The following SLC35F4 variants were observed in gnomAD, a reference collection of about 807,000 sequenced individuals.
SLC35F4 encodes solute carrier family 35 member F4, also known as chromosome 14 open reading frame 36.
SLC35F4 carries 24 observed loss-of-function variants against 44.2 expected under a neutral mutation model. The ratio of observed to expected loss-of-function variants is 0.54; its 90% CI spans 0.39 to 0.76. The LOEUF is 0.76. SLC35F4 is among the 30% of genes least tolerant of loss of function. The probability of loss-of-function intolerance (pLI) is 0.00; values close to 1 mark genes in which losing one functional copy is unlikely to be tolerated. For synonymous variants in SLC35F4, 238 were observed against 223.6 expected, an observed-to-expected ratio of 1.06 and a Z score of -0.57; for missense variants, 562 against 586.1, an observed-to-expected ratio of 0.96 and a Z score of 0.42.
chr14:57,594,961 C>T (rs1276370158), intron 1 of SLC35F4, among the ~76,000 whole-genome samples: 1 of 152,200 alleles, frequency 6.6e-6, no homozygotes, highest in African/African-American at 2.4e-5. Flanking sequence ...ACTTCCCACC[C>T]CTCAGCCCCA....
chr14:57,624,028 G>C (rs2760287), intron 1 of SLC35F4, among the ~76,000 whole-genome samples: 2 of 151,908 alleles, frequency 1.3e-5, no homozygotes, highest in Non-Finnish European at 2.9e-5. Context: ...TTTTTGAAAT[G>C]ATCAACAAAA....
At chr14:57,830,228 A>G (rs543164399) in intron 1 of SLC35F4, among the ~76,000 whole-genome samples, 10 of 152,268 alleles carry the variant, frequency 6.6e-5, no homozygotes, top group African/African-American at 2.4e-4. Context: ...TAACATTTCA[A>G]CTGTGTGGTT....
At chr14:57,859,217 G>C (rs1887461358) in intron 1 of SLC35F4, among the ~76,000 whole-genome samples, 1 of 152,158 alleles carries the variant, frequency 6.6e-6, no homozygotes, top group Non-Finnish European at 1.5e-5. Flanking sequence ...GATTGGCGAA[G>C]TAGATTAAAG....
chr14:57,726,352 A>C (rs1460994058), intron 1 of SLC35F4, among the ~76,000 whole-genome samples: 1 of 152,228 alleles, frequency 6.6e-6, no homozygotes, highest in Non-Finnish European at 1.5e-5. Context: ...AAGGGAATAC[A>C]GAATGGGTAG....
chr14:57,716,001 G>T (rs186469208), intron 1 of SLC35F4, among the ~76,000 whole-genome samples: 92 of 152,180 alleles, frequency 6.0e-4, no homozygotes, highest in African/African-American at 2.1e-3. Context: ...TTTAAAAGAG[G>T]AAGAGTGGTG....
intron 1 of SLC35F4, among the ~76,000 whole-genome samples, chr14:57,857,005 G>C (rs1167860751): frequency 2.6e-5 from 4 of 152,042 alleles, no homozygotes; most frequent in Admixed American, 6.5e-5. Flanking sequence ...GCCGGGCACG[G>C]TGGCTCACGC....
At chr14:57,890,120 C>T (rs959461923) in intron 1 of SLC35F4, among the ~76,000 whole-genome samples, 21 of 151,954 alleles carry the variant, frequency 1.4e-4, no homozygotes, top group African/African-American at 4.4e-4. Context: ...ATGAGATGTA[C>T]GGAGGCCTTC....
intron 4 of SLC35F4, among the ~76,000 whole-genome samples, chr14:57,572,741 G>A (rs1476418428): frequency 6.6e-6 from 1 of 152,172 alleles, no homozygotes; most frequent in Non-Finnish European, 1.5e-5. Context: ...TAATTCAACT[G>A]AAGTCATCAT....
chr14:57,886,721 T>C (rs942058695), intron 1 of SLC35F4, among the ~76,000 whole-genome samples: 3 of 152,032 alleles, frequency 2.0e-5, no homozygotes, highest in Non-Finnish European at 2.9e-5. Flanking sequence ...GCAAAGGCCA[T>C]GTCTTTTTAC....
intron 1 of SLC35F4, among the ~76,000 whole-genome samples, chr14:57,708,382 T>C (rs2075730885): frequency 6.6e-6 from 1 of 152,186 alleles, no homozygotes; most frequent in Non-Finnish European, 1.5e-5. Context: ...ATTTGAGTAA[T>C]AATAAAACTC....
chr14:57,765,790 A>G (rs1398043628), intron 1 of SLC35F4, among the ~76,000 whole-genome samples: 2 of 152,234 alleles, frequency 1.3e-5, no homozygotes, highest in African/African-American at 2.4e-5. Context: ...AATATGGGCT[A>G]TAAGTATGTG....
intron 1 of SLC35F4, among the ~76,000 whole-genome samples, chr14:57,929,062 T>C (rs866239207): frequency 1.3e-5 from 2 of 152,126 alleles, no homozygotes; most frequent in African/African-American, 2.4e-5. Context: ...GGAAAAAGTA[T>C]TGAAATGTAA....
chr14:57,574,858 TC>T (rs926317292), intron 4 of SLC35F4, among the ~76,000 whole-genome samples: 5 of 151,144 alleles, frequency 3.3e-5, no homozygotes, highest in Admixed American at 6.6e-5. Context: ...ACACACATTT[TC>T]AGAATCAATC....
At chr14:57,926,047 T>C (rs1475032713) in intron 1 of SLC35F4, among the ~76,000 whole-genome samples, 3 of 152,218 alleles carry the variant, frequency 2.0e-5, no homozygotes, top group Non-Finnish European at 4.4e-5. Context: ...TATCTTTATG[T>C]ATCAGTTCCC....
Position 57,849,561 on chromosome 14 carries a change from TAAGAG to T in SLC35F4, c.103+16157_103+16161del, listed in dbSNP as rs575490108. Among the ~76,000 whole-genome samples, 32 of 152,268 alleles carry T rather than the reference TAAGAG, an allele frequency of 2.1e-4. No individual in the cohort carries two copies. In the East Asian group the frequency reaches 5.0e-3, roughly 24 times the overall value. On this transcript the variant is annotated intron_variant, in intron 1 of 7. Transcript: ENST00000556826. ...TATAGTATTAATATCCTTAAGGAGA[TAAGAG>T]AAGATATTCTATCCATAAAACAAGA...
chr14:57,767,129 A>G (rs1387045421), intron 1 of SLC35F4, among the ~76,000 whole-genome samples: 1 of 152,226 alleles, frequency 6.6e-6, no homozygotes, highest in Non-Finnish European at 1.5e-5. Flanking sequence ...AAAAATCCAC[A>G]GTTAGAGTTG....
At chr14:57,789,593 T>C (rs766408040) in intron 1 of SLC35F4, among the ~76,000 whole-genome samples, 7 of 152,090 alleles carry the variant, frequency 4.6e-5, no homozygotes, top group Non-Finnish European at 8.8e-5. Context: ...ACCATTCCTT[T>C]TGAAACTATT....
chr14:57,760,986 C>A lies in SLC35F4; in HGVS notation c.103+104737G>T, dbSNP rs2077111231. Among the ~76,000 whole-genome samples the A allele has an allele frequency of 2.6e-5, 4 of 152,252 alleles. No homozygotes were observed. The South Asian group carries it at 8.3e-4, about 32-fold the overall frequency. ...CGGCACTCTACCCACTGACATCTAA[C>A]CACATTGGTTTTTCTACATTCTTAG... On this transcript the variant is annotated intron_variant, in intron 1 of 7. Transcript: ENST00000556826.
chr14:57,950,675 C>CT (rs59027196), intron 1 of SLC35F4, among the ~76,000 whole-genome samples: 4,854 of 127,148 alleles, frequency 0.038, 166 homozygotes, highest in Middle Eastern at 0.054. Context: ...TTCTTTCTTT[C>CT]TTTTTTTTTT....
Sources: allele counts gnomAD v4.1 joint callset (sites outside exome capture counted in the v4.1 genomes callset), GRCh38; gene constraint gnomAD v4.1.1; transcripts MANE v1.5; gene names NCBI Gene and HGNC (gene_info 2026-07-23, HGNC 2026-07-21).